The following ASIC2 variants were observed in gnomAD, a reference collection of about 807,000 sequenced individuals.
The protein encoded by ASIC2 is acid-sensing ion channel 2.
Under a neutral mutation model 57.3 loss-of-function variants are expected in ASIC2, and 25 were observed. That is an observed-to-expected ratio of 0.44 (90% confidence interval 0.32 to 0.61). The LOEUF is 0.61. Among genes scored for constraint, ASIC2 ranks in the 20% least tolerant of loss-of-function variants. ASIC2 has a pLI of 0.06. For missense variants in ASIC2, 641 were observed against 738.1 expected (o/e 0.87, Z 1.52); for synonymous variants, 319 against 307.5 (o/e 1.04, Z -0.39).
intron 1 of ASIC2, among the ~76,000 whole-genome samples, chr17:33,831,583 T>TG (rs1364819963): frequency 8.4e-5 from 12 of 142,722 alleles, no homozygotes; most frequent in African/African-American, 2.9e-4. Context: ...TGATCTGAAG[T>TG]AAAAAAAAAA....
At chr17:33,816,277 C>G (rs1912578594) in intron 1 of ASIC2, among the ~76,000 whole-genome samples, 1 of 151,838 alleles carries the variant, frequency 6.6e-6, no homozygotes, top group South Asian at 2.1e-4. Flanking sequence ...TCTTAATGTT[C>G]CAAAATGCGG....
intron 1 of ASIC2, among the ~76,000 whole-genome samples, chr17:33,365,835 G>A (rs1415575456): frequency 6.6e-6 from 1 of 152,190 alleles, no homozygotes; most frequent in Non-Finnish European, 1.5e-5. Context: ...GAAGAAAAAA[G>A]TCTATTTATT....
intron 1 of ASIC2, among the ~76,000 whole-genome samples, chr17:34,053,501 C>T (rs1908644689): frequency 6.6e-6 from 1 of 152,106 alleles, no homozygotes; most frequent in African/African-American, 2.4e-5. Flanking sequence ...GGGCAACATC[C>T]CACAGTATTA....
At chr17:33,987,819 G>A (rs1253185823) in intron 1 of ASIC2, among the ~76,000 whole-genome samples, 1 of 152,074 alleles carries the variant, frequency 6.6e-6, no homozygotes, top group Non-Finnish European at 1.5e-5. Flanking sequence ...AAATCATTAG[G>A]CTCAAGAAAT....
At chr17:33,084,192 T>C (rs961458815) in intron 3 of ASIC2, among the ~76,000 whole-genome samples, 2 of 152,286 alleles carry the variant, frequency 1.3e-5, no homozygotes, top group South Asian at 2.1e-4. Flanking sequence ...TAGAGGTCAT[T>C]TGAAGTCATC....
At chr17:33,043,378 C>T (rs2091937496) in intron 3 of ASIC2, among the ~76,000 whole-genome samples, 1 of 152,336 alleles carries the variant, frequency 6.6e-6, no homozygotes, top group East Asian at 1.9e-4. Context: ...AACCAGCTCT[C>T]GTCTCTAGGA....
At position 33,976,898 on chromosome 17, in the gene ASIC2, C is replaced by T. The variant is rs562394279; in HGVS notation, c.555+179080G>A. 3.9e-5 allele frequency among the ~76,000 whole-genome samples: 6 copies of T among 152,042 alleles called. No individual in the cohort carries two copies. The East Asian group carries it at 1.2e-3, about 29-fold the overall frequency. ...AAGCAAGGATGGAGGGAGGAGGGTG[C>T]CTGTGATCAGCCATGCTAATTTTGA... is the stretch of plus-strand genomic sequence containing the variant. On this transcript the variant is annotated intron_variant, in intron 1 of 9. Transcript: ENST00000359872.
chr17:33,144,145 AAAAC>A (rs983157168), intron 1 of ASIC2, among the ~76,000 whole-genome samples: 400 of 137,140 alleles, frequency 2.9e-3, no homozygotes, highest in African/African-American at 0.011. Flanking sequence ...CTGGAATTAA[AAAAC>A]AAACAAACAA....
intron 1 of ASIC2, among the ~76,000 whole-genome samples, chr17:33,393,457 C>G (rs1412500876): frequency 6.6e-6 from 1 of 152,132 alleles, no homozygotes. Flanking sequence ...TCTCCACCAG[C>G]CTTCTCTAAC....
chr17:33,595,525 C>A (rs1225307674), intron 1 of ASIC2, among the ~76,000 whole-genome samples: 1 of 152,230 alleles, frequency 6.6e-6, no homozygotes, highest in Non-Finnish European at 1.5e-5. Context: ...GGAGCCTCAG[C>A]TATAGGGGCT....
chr17:33,689,560 T>A (rs1393050203), intron 1 of ASIC2, among the ~76,000 whole-genome samples: 1 of 150,888 alleles, frequency 6.6e-6, no homozygotes, highest in Non-Finnish European at 1.5e-5. Context: ...GCAACCAATC[T>A]GTACCAATTT....
In ASIC2 at chr17:33,207,238, G is replaced by A. The variant is rs1907097837; in HGVS notation, c.708+84170C>T. Among the ~76,000 whole-genome samples, 5 of 152,154 alleles carry A rather than the reference G, an allele frequency of 3.3e-5. No individual in the cohort carries two copies. The South Asian group carries it at 6.2e-4, about 19-fold the overall frequency. ...GTGGTGAACGGCGCTTTATCCTAGC[G>A]CTTTCTCATTCTTTGTTTCATTTAA... On this transcript the variant is annotated intron_variant, in intron 1 of 9. Coordinates refer to ENST00000225823, the MANE Select transcript of ASIC2 (RefSeq NM_183377.2).
At chr17:34,062,245 G>A (rs1330442843) in intron 1 of ASIC2, among the ~76,000 whole-genome samples, 2 of 152,070 alleles carry the variant, frequency 1.3e-5, no homozygotes, top group Admixed American at 1.3e-4. Flanking sequence ...CAAATACATG[G>A]AAATTAAATA....
intron 1 of ASIC2, among the ~76,000 whole-genome samples, chr17:33,519,822 G>A (rs1052159627): frequency 6.6e-6 from 1 of 152,214 alleles, no homozygotes; most frequent in Admixed American, 6.5e-5. Flanking sequence ...GCAGGTTGCT[G>A]TAACCGAGAG....
At chr17:33,936,300 C>T (rs1916057208) in intron 1 of ASIC2, 1 of 152,204 alleles carries the variant, frequency 6.6e-6, no homozygotes, top group Non-Finnish European at 1.5e-5. Context: ...GACTGAGATT[C>T]ACCCTCACCC....
At chr17:33,235,559 G>A (rs1470018419) in intron 1 of ASIC2, among the ~76,000 whole-genome samples, 1 of 152,196 alleles carries the variant, frequency 6.6e-6, no homozygotes, top group African/African-American at 2.4e-5. Flanking sequence ...GAAAGCCCGT[G>A]GGTAACCATA....
intron 1 of ASIC2, among the ~76,000 whole-genome samples, chr17:33,847,013 C>G (rs982724858): frequency 6.6e-6 from 1 of 152,042 alleles, no homozygotes; most frequent in Non-Finnish European, 1.5e-5. Flanking sequence ...AGTTCTTATT[C>G]CCACCAGGAG....
chr17:33,915,076 C>T (rs923592714), intron 1 of ASIC2, among the ~76,000 whole-genome samples: 3 of 152,196 alleles, frequency 2.0e-5, no homozygotes, highest in East Asian at 3.9e-4. Flanking sequence ...GCCCTCACCT[C>T]GGCCTGCCAG....
intron 1 of ASIC2, among the ~76,000 whole-genome samples, chr17:33,243,834 C>T (rs1370995561): frequency 7.2e-5 from 11 of 152,096 alleles, no homozygotes; most frequent in Non-Finnish European, 1.5e-5. Context: ...CCAGCTTTTC[C>T]CTGATCATTT....
Sources: allele counts gnomAD v4.1 joint callset (sites outside exome capture counted in the v4.1 genomes callset), GRCh38; gene constraint gnomAD v4.1.1; transcripts MANE v1.5; gene names NCBI Gene and HGNC (gene_info 2026-07-23, HGNC 2026-07-21).